The following AREG variants were observed in gnomAD, a reference collection of about 807,000 sequenced individuals.
AREG encodes amphiregulin B.
In AREG, 16 loss-of-function variants were observed where a neutral mutation model predicts 28.0. That is an observed-to-expected ratio of 0.57 (90% CI 0.39 to 0.87). The LOEUF is 0.87. Ranked by LOEUF, AREG falls within the 40% of genes least tolerant of loss-of-function variation. AREG has a pLI of 0.00. For synonymous variants in AREG, 113 were observed against 113.5 expected, an observed-to-expected ratio of 1.00 and a Z score of 0.02; for missense variants, 287 against 309.1, an observed-to-expected ratio of 0.93 and a Z score of 0.53.
In AREG at chr4:74,450,420, T is replaced by C; in HGVS notation, c.553T>C (p.Ser185Pro). 2 of 1,613,932 alleles carry C rather than the reference T, an allele frequency of 1.2e-6. No homozygotes were observed. Among genetic ancestry groups the C allele is most frequent in the Non-Finnish European group, 1.7e-6 (2 of 1,179,840 alleles). The stretch of plus-strand genomic sequence containing the variant: ...TTTCGGTGAACGGTGTGGGGAAAAG[T>C]CCATGAAAACTCACAGCATGATTGA... ...EYFGERCGEK[S>P]MKTHSMIDSS... Residue 185 changes from serine to proline, a missense_variant, in exon 4 of 6, where the codon TCC (serine) becomes CCC (proline). By Grantham distance (74) the Ser-to-Pro change is moderately conservative. Transcript: ENST00000395748.
intron 4 of AREG, among the ~76,000 whole-genome samples, chr4:74,451,879 TAAAAC>T (rs1368662709): frequency 2.0e-5 from 3 of 152,194 alleles, no homozygotes; most frequent in Non-Finnish European, 4.4e-5. Context: ...GTTTGAAACA[TAAAAC>T]AAACACTAAA....
At chr4:74,448,828 C>T in intron 2 of AREG, 1 of 578,308 alleles carries the variant, frequency 1.7e-6, no homozygotes, top group Non-Finnish European at 2.8e-6. Context: ...CACTAATTCC[C>T]AACTATAATC....
chr4:74,449,079 A>G lies in AREG; in HGVS notation c.343A>G (p.Thr115Ala). The G allele has an allele frequency of 1.2e-6, 2 of 1,611,046 alleles. No individual in the cohort carries two copies. The highest frequency in any genetic ancestry group is 2.2e-5 in the South Asian group (2 of 90,674). Reference sequence around the variant, plus strand: ...GGTAGTTAAGCCCCCCCAAAACAAGACGGAAAGTGAAAATACTTCAGATAA... The same window carrying G: ...GGTAGTTAAGCCCCCCCAAAACAAGGCGGAAAGTGAAAATACTTCAGATAA... ...EQVVKPPQNK[T>A]ESENTSDKPK... Residue 115 changes from threonine (T) to alanine (A), a missense_variant, in exon 3 of 6, where the codon ACG (threonine) becomes GCG (alanine). Coordinates refer to ENST00000395748, the MANE Select transcript of AREG (RefSeq NM_001657.4).
At chr4:74,453,244 A>G (rs957791702) in intron 5 of AREG, among the ~76,000 whole-genome samples, 24 of 152,336 alleles carry the variant, frequency 1.6e-4, no homozygotes, top group African/African-American at 5.3e-4. Context: ...GGAGAGCCAC[A>G]GTTGCGGGTG....
chr4:74,448,844 T>G (rs1466895845), intron 2 of AREG: 1 of 664,356 alleles, frequency 1.5e-6, no homozygotes, highest in East Asian at 2.9e-5. Flanking sequence ...TAATCATGAG[T>G]GGACACTACT....
intron 4 of AREG, among the ~76,000 whole-genome samples, chr4:74,451,741 A>C (rs1363960581): frequency 2.0e-5 from 3 of 151,090 alleles, no homozygotes; most frequent in African/African-American, 7.3e-5. Flanking sequence ...TGTAATAATT[A>C]AACTTGTAAT....
At chr4:74,453,639 G>T (rs1719414663) in intron 5 of AREG, among the ~76,000 whole-genome samples, 1 of 152,216 alleles carries the variant, frequency 6.6e-6, no homozygotes, top group Non-Finnish European at 1.5e-5. Flanking sequence ...GGGCACAGTG[G>T]CTCAGGCCTG....
intron 2 of AREG, among the ~76,000 whole-genome samples, chr4:74,447,078 C>T (rs1474316334): frequency 2.6e-5 from 4 of 152,166 alleles, no homozygotes; most frequent in African/African-American, 9.7e-5. Flanking sequence ...AGGTTTTGCT[C>T]TAGGTTCTAC....
At chr4:74,454,142 A>G (rs1719423890) in intron 5 of AREG, among the ~76,000 whole-genome samples, 2 of 152,314 alleles carry the variant, frequency 1.3e-5, no homozygotes, top group Middle Eastern at 3.4e-3. Context: ...AATTATTCAT[A>G]CCAATGCTAA....
chr4:74,448,520 A>G (rs1181782436), intron 2 of AREG: 1 of 153,574 alleles, frequency 6.5e-6, no homozygotes, highest in Admixed American at 6.5e-5. Flanking sequence ...ACATTAGTGT[A>G]ACAAAATGCA....
chr4:74,451,647 A>G (rs931438922), intron 4 of AREG, among the ~76,000 whole-genome samples: 5 of 152,236 alleles, frequency 3.3e-5, no homozygotes, highest in African/African-American at 7.2e-5. Flanking sequence ...AGATATGCAA[A>G]GGTGTTTAGG....
At position 74,450,319 on chromosome 4, in the gene AREG, T is replaced by C; in HGVS notation, c.513-61T>C. 2.5e-6 allele frequency: 4 copies of C among 1,613,168 alleles called. No individual in the cohort carries two copies. The South Asian group carries it at 4.4e-5, about 18-fold the overall frequency. ...AAATGGTTCTTTATGATCTGGAGAATAAGCTTAAAACACACCGCACGTTTT... is the reference window on the plus strand; with the variant it reads ...AAATGGTTCTTTATGATCTGGAGAACAAGCTTAAAACACACCGCACGTTTT... On this transcript the variant is annotated intron_variant, in intron 3 of 5. Coordinates refer to ENST00000395748, the MANE Select transcript of AREG (RefSeq NM_001657.4).
At chr4:74,448,217 G>A (rs898029823) in intron 2 of AREG, among the ~76,000 whole-genome samples, 1 of 152,158 alleles carries the variant, frequency 6.6e-6, no homozygotes, top group Non-Finnish European at 1.5e-5. Context: ...TTTCTGTCTT[G>A]TGCTTTTTTA....
rs980022203 is a variant in AREG at position 74,445,375 on chromosome 4, G to A, written c.30G>A (p.Pro10=). 57,005 of 1,610,478 alleles carry A rather than the reference G, an allele frequency of 0.035. 1,620 individuals carry two copies. The highest frequency in any genetic ancestry group is 0.11 in the Admixed American group (6,372 of 59,760). Residue 10 remains proline (P), a synonymous_variant, in exon 1 of 6, where the codon CCG becomes CCA. Transcript: ENST00000395748. MRAPLLPPA[P]VVLSLLILGS... is the part of the protein sequence containing the mutation. ...GAGCCCCGCTGCTACCGCCGGCGCC[G>A]GTGGTGCTGTCGCTCTTGATACTCG... is the stretch of plus-strand genomic sequence containing the variant.
At chr4:74,446,473 G>A (rs1414282642) in intron 1 of AREG, 61 bp from the exon 2 acceptor site, 3 of 1,613,658 alleles carry the variant, frequency 1.9e-6, no homozygotes, top group Non-Finnish European at 2.5e-6. Context: ...ACCTAACACA[G>A]CTGACTCGAA....
At chr4:74,448,945 G>A in intron 2 of AREG, 102 bp from the exon 3 acceptor site, 7 of 1,509,000 alleles carry the variant, frequency 4.6e-6, no homozygotes, top group Non-Finnish European at 6.3e-6. Context: ...ACGCATGGCT[G>A]TTACCCCTGT....
intron 1 of AREG, 58 bp downstream of exon 1, chr4:74,445,464 T>C: frequency 6.4e-7 from 1 of 1,572,180 alleles, no homozygotes; most frequent in South Asian, 1.2e-5. Context: ...GTTTTGCCTC[T>C]TGAGTTTGGC....
chr4:74,450,531 C>A lies in AREG; in HGVS notation c.664C>A (p.Gln222Lys), dbSNP rs1221947215. 6.2e-7 allele frequency: 1 copy of A among 1,613,552 alleles called. No individual in the cohort carries two copies. Among genetic ancestry groups the A allele is most frequent in the African/African-American group, 1.3e-5 (1 of 74,912 alleles). Residue 222 changes from glutamine (Q) to lysine (K), a missense_variant and splice_region_variant, in exon 4 of 6, where the codon CAG becomes AAG. Physicochemically the swap from Gln to Lys is moderately conservative, Grantham distance 53. Transcript: ENST00000395748. Reference protein sequence around the residue: ...ILTAVAVITVQLRRQYVRKYE... With the variant: ...ILTAVAVITVKLRRQYVRKYE... ...CACAGCTGTTGCTGTTATTACAGTCCAGTAAGTATGACATAACTTACAAAT... is the reference window on the plus strand; with the variant it reads ...CACAGCTGTTGCTGTTATTACAGTCAAGTAAGTATGACATAACTTACAAAT...
rs934629151 is a variant in AREG, at chr4:74,451,172, C to T, written c.665+640C>T. Among the ~76,000 whole-genome samples, 14 of 152,298 alleles carry T rather than the reference C, an allele frequency of 9.2e-5. No homozygotes were observed. In the East Asian group the frequency reaches 1.2e-3, roughly 13 times the overall value. ...CAATTCTATTACTGTTTCACTCCAG[C>T]GTATCTTCCCTGTGCTCATAATAAC... is the stretch of plus-strand genomic sequence containing the variant. On this transcript the variant is annotated intron_variant, in intron 4 of 5. Transcript: ENST00000395748.
Sources: gnomAD v4.1 joint callset for allele counts (sites outside exome capture counted in the v4.1 genomes callset) on GRCh38, gnomAD v4.1.1 for gene constraint, MANE v1.5 for transcripts, NCBI Gene and HGNC (gene_info 2026-07-23, HGNC 2026-07-21) for gene names.